Variants in ZNF660 observed in about 807,000 individuals in gnomAD.
ZNF660 encodes zinc finger protein 660.
ZNF660 carries 24 observed loss-of-function variants against 23.2 expected under a neutral mutation model. The observed-to-expected ratio is 1.04, with a 90% CI of 0.75 to 1.46. ZNF660 has a LOEUF of 1.46. Among genes scored for constraint, ZNF660 ranks in the 40% most tolerant of loss-of-function variants. ZNF660 has a pLI of 0.00. For synonymous variants in ZNF660, 117 were observed against 131.4 expected (o/e 0.89, Z 0.75); for missense variants, 373 against 396.8 (o/e 0.94, Z 0.51).
rs2125756345 is a variant in ZNF660 at position 44,596,246 on chromosome 3, A to T, written c.*1057A>T. On this transcript the variant is annotated 3_prime_UTR_variant, in exon 3 of 3. Transcript: ENST00000322734. The stretch of plus-strand genomic sequence containing the variant: ...CAGTTCTACCATGAACTAGCTTGTC[A>T]GTTTTGGACAAGTCACTTAACTGCT... The T allele has an allele frequency of 6.6e-6, 1 of 152,488 alleles. No homozygotes were observed. The highest frequency in any genetic ancestry group is 2.1e-4 in the South Asian group (1 of 4,826). The allele number at this position is 152,488 out of a possible 1,614,324, so 9.4% of individuals were successfully genotyped here. A position where few individuals can be genotyped will look rare whatever the true frequency, so the allele number is the denominator to read the frequency against.
Position 44,595,469 on chromosome 3 carries a change from G to A in ZNF660, c.*280G>A. On this transcript the variant is annotated 3_prime_UTR_variant, in exon 3 of 3. Coordinates refer to ENST00000322734, the MANE Select transcript of ZNF660 (RefSeq NM_173658.4). Reference sequence around the variant, plus strand: ...TTTTAAAGACAATTTAATGCCATGGGGAAATGATTGGATAAGACGGAAGAT... The same window carrying A: ...TTTTAAAGACAATTTAATGCCATGGAGAAATGATTGGATAAGACGGAAGAT... 7.5e-6 allele frequency: 2 copies of A among 267,254 alleles called. No homozygotes were observed. The highest frequency in any genetic ancestry group is 1.5e-5 in the Non-Finnish European group (2 of 133,332). The allele number at this position is 267,254 out of a possible 1,614,324, so 16.6% of individuals were successfully genotyped here.
At position 44,596,462 on chromosome 3, in the gene ZNF660, A is replaced by C. The variant is rs1700612410; in HGVS notation, c.*1273A>C. 1 of 152,206 alleles carries C rather than the reference A, an allele frequency of 6.6e-6. No individual in the cohort carries two copies. The highest frequency in any genetic ancestry group is 2.1e-4 in the South Asian group (1 of 4,836). The allele number at this position is 152,206 out of a possible 1,614,324, so 9.4% of individuals were successfully genotyped here. On this transcript the variant is annotated 3_prime_UTR_variant, in exon 3 of 3. Transcript: ENST00000322734. ...GAGTGATTAAAGAGAATTTTTGTGT[A>C]AGGTAGTACTTAGGATATTTTCAGA...
chr3:44,587,667 C>T (rs1700269821), intron 2 of ZNF660, among the ~76,000 whole-genome samples: 1 of 152,260 alleles, frequency 6.6e-6, no homozygotes, highest in African/African-American at 2.4e-5. Context: ...CTCAGCTCCT[C>T]CATCACCACC....
chr3:44,586,027 C>T (rs1429379759), intron 1 of ZNF660, 78 bp from the exon 2 acceptor site: 2 of 152,106 alleles, frequency 1.3e-5, no homozygotes, highest in African/African-American at 4.8e-5. Flanking sequence ...GGGAAGTTAC[C>T]CAAAGATGGG....
intron 2 of ZNF660, among the ~76,000 whole-genome samples, chr3:44,588,207 T>C (rs1700293985): frequency 6.6e-6 from 1 of 152,158 alleles, no homozygotes; most frequent in Non-Finnish European, 1.5e-5. Flanking sequence ...AAGCTTTTAC[T>C]CATGGTGGAA....
chr3:44,594,629 A>C lies in ZNF660; in HGVS notation c.436A>C (p.Ser146Arg). 1 of 1,614,068 alleles carries C rather than the reference A, an allele frequency of 6.2e-7. No homozygotes were observed. Among genetic ancestry groups the C allele is most frequent in the Non-Finnish European group, 8.5e-7 (1 of 1,179,996 alleles). The part of the protein sequence containing the change: ...CKECGKAFSR[S>R]SGLISHHRVH... ...AGAGTGTGGGAAAGCCTTTAGTCGG[A>C]GTTCGGGCCTTATATCACATCACAG... Residue 146 changes from serine (S) to arginine (R), a missense_variant, in exon 3 of 3, where the codon AGT becomes CGT. Ser to Arg is a moderately radical substitution (Grantham distance 110). Transcript: ENST00000322734.
intron 2 of ZNF660, chr3:44,587,106 T>C (rs1203974315): frequency 6.6e-6 from 1 of 152,212 alleles, no homozygotes; most frequent in Non-Finnish European, 1.5e-5. Flanking sequence ...ATTTCACTTA[T>C]CCATCCCTTG....
chr3:44,599,610 T>C lies in ZNF660; in HGVS notation c.*4421T>C, dbSNP rs1700732496. ...AGTCGCCAGACTGTCTTTAATAGCC[T>C]CTGATGTTATAAAACTGGAGTCATG... On this transcript the variant is annotated 3_prime_UTR_variant, in exon 3 of 3. Transcript: ENST00000322734. The C allele has an allele frequency of 6.6e-6, 1 of 152,194 alleles. No homozygotes were observed. The highest frequency in any genetic ancestry group is 2.1e-4 in the South Asian group (1 of 4,834). 9.4% of individuals were successfully genotyped at this position (152,194 alleles called of 1,614,324 possible).
In ZNF660 at chr3:44,594,326, G is replaced by A. The variant is rs770649361; in HGVS notation, c.133G>A (p.Ala45Thr). 80 of 1,614,048 alleles carry A rather than the reference G, an allele frequency of 5.0e-5. No individual in the cohort carries two copies. In the South Asian group the frequency reaches 8.8e-4, roughly 18 times the overall value. ...CCCTGCAACAAATGAGAGAGTTCAG[G>A]CTGAAAAGAGACAGTATGTATGTAC... ...CDPATNERVQ[A>T]EKRQYVCTEC... The change falls in exon 3 of 3, where the codon GCT (alanine) becomes ACT (threonine). Residue 45 changes from alanine to threonine, a missense_variant. Physicochemically the swap from Ala to Thr is moderately conservative, Grantham distance 58. Transcript: ENST00000322734.
chr3:44,595,313 A>G lies in ZNF660; in HGVS notation c.*124A>G. On this transcript the variant is annotated 3_prime_UTR_variant, in exon 3 of 3. Transcript: ENST00000322734. The stretch of plus-strand genomic sequence containing the variant: ...TCTAAGAAAATAATTAGAAGTAGAC[A>G]AAGATTAATGAAAGGGATGTTCATG... The G allele has an allele frequency of 8.7e-7, 1 of 1,151,060 alleles. No homozygotes were observed. The highest frequency in any genetic ancestry group is 2.3e-4 in the Middle Eastern group (1 of 4,286). 71.3% of individuals were successfully genotyped at this position (1,151,060 alleles called of 1,614,324 possible).
At chr3:44,585,034 G>A (rs1282814803) in intron 1 of ZNF660, 27 bp downstream of exon 1, 1 of 152,536 alleles carries the variant, frequency 6.6e-6, no homozygotes, top group Non-Finnish European at 1.5e-5. Context: ...AGTCTGGCGT[G>A]GGGGGTCGGG....
chr3:44,590,132 C>T (rs1700366759), intron 2 of ZNF660, among the ~76,000 whole-genome samples: 1 of 151,806 alleles, frequency 6.6e-6, no homozygotes, highest in African/African-American at 2.4e-5. Context: ...TGAATTTGCT[C>T]TCTTATTGTT....
In ZNF660 at chr3:44,594,285, A is replaced by G. The variant is rs1700533304; in HGVS notation, c.92A>G (p.Asn31Ser). ...AGTGACCAAGAATCTGAAAAAGACA[A>G]TAGTCAGTGCTGTGACCCTGCAACA... Reference protein sequence around the residue: ...EGSDQESEKDNSQCCDPATNE... With the variant: ...EGSDQESEKDSSQCCDPATNE... Residue 31 changes from asparagine (N) to serine (S), a missense_variant, in exon 3 of 3, where the codon AAT becomes AGT. Transcript: ENST00000322734. The G allele has an allele frequency of 5.0e-6, 8 of 1,614,086 alleles. No homozygotes were observed. Among genetic ancestry groups the G allele is most frequent in the Non-Finnish European group, 5.1e-6 (6 of 1,180,044 alleles).
intron 2 of ZNF660, chr3:44,586,498 C>T (rs1700228642): frequency 6.6e-6 from 1 of 152,200 alleles, no homozygotes; most frequent in African/African-American, 2.4e-5. Flanking sequence ...TCCTTCTGTA[C>T]ATTTGGATAT....
At chr3:44,586,298 G>C (rs1399068947) in intron 2 of ZNF660, 85 bp downstream of exon 2, 2 of 152,276 alleles carry the variant, frequency 1.3e-5, no homozygotes. Context: ...GTGGGCACCA[G>C]GGTTGAAAGG....
chr3:44,595,341 A>G lies in ZNF660; in HGVS notation c.*152A>G, dbSNP rs1700576171. On this transcript the variant is annotated 3_prime_UTR_variant, in exon 3 of 3. Coordinates refer to ENST00000322734, the MANE Select transcript of ZNF660 (RefSeq NM_173658.4). ...GATTAATGAAAGGGATGTTCATGAC[A>G]GCATCATATACGACTGAAAGAAGAA... The G allele has an allele frequency of 2.3e-6, 2 of 853,370 alleles. No individual in the cohort carries two copies. The highest frequency in any genetic ancestry group is 3.4e-6 in the Non-Finnish European group (2 of 580,590). 52.9% of individuals were successfully genotyped at this position (853,370 alleles called of 1,614,324 possible).
At chr3:44,585,807 A>G (rs184527342) in intron 1 of ZNF660, among the ~76,000 whole-genome samples, 1 of 152,286 alleles carries the variant, frequency 6.6e-6, no homozygotes, top group Admixed American at 6.5e-5. Context: ...TTGCAGTTAG[A>G]TGAGAATATG....
At chr3:44,590,535 A>G (rs951767177) in intron 2 of ZNF660, among the ~76,000 whole-genome samples, 9 of 152,192 alleles carry the variant, frequency 5.9e-5, no homozygotes, top group African/African-American at 2.2e-4. Context: ...ATCTCCAAAT[A>G]CAGTCACATT....
In ZNF660 at chr3:44,599,268, A is replaced by T. The variant is rs1275311955; in HGVS notation, c.*4079A>T. ...TTTTAGTTGAGAGGAAAATACGAAA[A>T]TCTCATTTTATATAGCCTTGAGTAG... On this transcript the variant is annotated 3_prime_UTR_variant, in exon 3 of 3. Transcript: ENST00000322734. 1 of 152,180 alleles carries T rather than the reference A, an allele frequency of 6.6e-6. No homozygotes were observed. The highest frequency in any genetic ancestry group is 1.5e-5 in the Non-Finnish European group (1 of 68,026). The allele number at this position is 152,180 out of a possible 1,614,324, so 9.4% of individuals were successfully genotyped here.
Sources: gnomAD v4.1 joint callset for allele counts (sites outside exome capture counted in the v4.1 genomes callset) on GRCh38, gnomAD v4.1.1 for gene constraint, MANE v1.5 for transcripts, NCBI Gene and HGNC (gene_info 2026-07-23, HGNC 2026-07-21) for gene names.